The following FREM1 variants were observed in gnomAD, a reference collection of about 807,000 sequenced individuals.
The protein encoded by FREM1 is FRAS1 related extracellular matrix 1.
Under a neutral mutation model 210.1 loss-of-function variants are expected in FREM1, and 220 were observed. The observed-to-expected ratio is 1.05, with a 90% CI of 0.94 to 1.17. The LOEUF is 1.17. Ranked by LOEUF, FREM1 falls within the 50% of genes most tolerant of loss-of-function variation. The pLI, the probability that FREM1 is intolerant of heterozygous loss-of-function variation, is 0.00. For missense variants in FREM1, 3,454 were observed against 2,675.5 expected, an observed-to-expected ratio of 1.29 and a Z score of -6.42; for synonymous variants, 1,189 against 980.2, an observed-to-expected ratio of 1.21 and a Z score of -3.98.
At chr9:14,861,046 CATATAT>C (rs1302584681) in intron 3 of FREM1, among the ~76,000 whole-genome samples, 3,677 of 74,778 alleles carry the variant, frequency 0.049, 558 homozygotes, top group East Asian at 0.079. Context: ...TACATATATA[CATATAT>C]ACATATATAC....
At chr9:14,754,121 A>T (rs1843852563) in intron 29 of FREM1, among the ~76,000 whole-genome samples, 1 of 152,218 alleles carries the variant, frequency 6.6e-6, no homozygotes, top group African/African-American at 2.4e-5. Flanking sequence ...ACCTACTAGC[A>T]GCCAAAATTA....
rs757097617 is a variant in FREM1, at chr9:14,740,176, T to C, written c.6313A>G (p.Ile2105Val). The C allele has an allele frequency of 3.1e-6, 5 of 1,612,678 alleles. No homozygotes were observed. Among genetic ancestry groups the C allele is most frequent in the Admixed American group, 3.3e-5 (2 of 59,920 alleles). ...SRQHMRWLWD[I>V]GGRKSFWIGL... Reference sequence around the variant, plus strand: ...ATCCAAAAGGACTTTCTCCCACCAATGTCCCAGAGCCACCGCATGTGCTGC... The same window carrying C: ...ATCCAAAAGGACTTTCTCCCACCAACGTCCCAGAGCCACCGCATGTGCTGC... Residue 2105 changes from isoleucine to valine, a missense_variant, in exon 36 of 37, where the codon ATT becomes GTT. Physicochemically the swap from Ile to Val is conservative, Grantham distance 29 (BLOSUM62 3). Transcript: ENST00000380880.
At position 14,756,378 on chromosome 9, in the gene FREM1, GTCAAACTGAA is replaced by G; in HGVS notation, c.5393_5402del (p.Ile1798ThrfsTer11). On this transcript the variant is annotated frameshift_variant, in exon 29 of 37. Coordinates refer to ENST00000380880, the MANE Select transcript of FREM1 (RefSeq NM_001379081.2). LOFTEE classifies it high-confidence loss of function. ...AACTGCAGACACAAAATGTACCTGGGTCAAACTGAATCAGTTTAGATGGAATCACGGTGAA... is the reference window on the plus strand; with the variant it reads ...AACTGCAGACACAAAATGTACCTGGGTCAGTTTAGATGGAATCACGGTGAA... 6.3e-7 allele frequency: 1 copy of G among 1,589,062 alleles called. No homozygotes were observed. Among genetic ancestry groups the G allele is most frequent in the Middle Eastern group, 1.7e-4 (1 of 6,028 alleles).
intron 3 of FREM1, among the ~76,000 whole-genome samples, chr9:14,861,503 C>CTTT (rs775845478): frequency 1.7e-4 from 20 of 114,872 alleles, no homozygotes; most frequent in African/African-American, 3.0e-4. Context: ...AGCATTTATC[C>CTTT]TTTTTTTTTT....
chr9:14,846,867 C>T (rs1384016617), intron 7 of FREM1, among the ~76,000 whole-genome samples: 4 of 152,138 alleles, frequency 2.6e-5, no homozygotes, highest in South Asian at 2.1e-4. Context: ...TAGCTGCAGC[C>T]GCCCCATGAG....
intron 27 of FREM1, among the ~76,000 whole-genome samples, chr9:14,763,297 C>G (rs1163925301): frequency 1.3e-5 from 2 of 152,170 alleles, no homozygotes; most frequent in African/African-American, 4.8e-5. Context: ...CCTCCAGTCA[C>G]GACAGCCAAA....
At chr9:14,859,789 A>G (rs1349680445) in intron 3 of FREM1, among the ~76,000 whole-genome samples, 1 of 152,180 alleles carries the variant, frequency 6.6e-6, no homozygotes, top group African/African-American at 2.4e-5. Flanking sequence ...CTTCTAGCAC[A>G]TGTGTAATTT....
intron 35 of FREM1, among the ~76,000 whole-genome samples, chr9:14,744,236 C>T (rs1392424601): frequency 6.6e-6 from 1 of 152,062 alleles, no homozygotes; most frequent in East Asian, 1.9e-4. Context: ...ATTTTATTCG[C>T]TTTAAAAAAA....
chr9:14,823,970 C>A, intron 12 of FREM1, 55 bp downstream of exon 12: 3 of 1,086,714 alleles, frequency 2.8e-6, no homozygotes, highest in East Asian at 2.6e-5. Context: ...GCATGCCATA[C>A]CTTCTAAGGG....
intron 20 of FREM1, among the ~76,000 whole-genome samples, chr9:14,801,428 G>C (rs1163659250): frequency 6.6e-6 from 1 of 152,094 alleles, no homozygotes; most frequent in Non-Finnish European, 1.5e-5. Flanking sequence ...TGTTAACTAT[G>C]GTAATTATGC....
intron 35 of FREM1, among the ~76,000 whole-genome samples, chr9:14,743,925 T>C (rs1382162082): frequency 6.6e-6 from 1 of 152,120 alleles, no homozygotes; most frequent in African/African-American, 2.4e-5. Context: ...TTTCAGTGCA[T>C]TACGACAAAC....
chr9:14,878,622 T>A lies in FREM1; in HGVS notation c.-267-9378A>T, dbSNP rs770921688. ...TTGTGGTTTTCACCATTACTTTCAA[T>A]GGCAAAAAACCACAATTACTTTTGT... On this transcript the variant is annotated intron_variant, in intron 1 of 36. Transcript: ENST00000380880. Among the ~76,000 whole-genome samples, 36 of 152,326 alleles carry A rather than the reference T, an allele frequency of 2.4e-4. No homozygotes were observed. In the Middle Eastern group the frequency reaches 0.01, roughly 43 times the overall value.
At chr9:14,818,491 A>T (rs1251288141) in intron 14 of FREM1, among the ~76,000 whole-genome samples, 3 of 152,198 alleles carry the variant, frequency 2.0e-5, no homozygotes, top group African/African-American at 7.2e-5. Flanking sequence ...TAAAGGGCTA[A>T]TGCTCCCATT....
chr9:14,859,047 T>A, intron 4 of FREM1, 136 bp downstream of exon 4: 2 of 628,942 alleles, frequency 3.2e-6, no homozygotes, highest in East Asian at 5.7e-5. Context: ...TCTGTGCTCT[T>A]AACCACTAAC....
chr9:14,809,694 T>C (rs1051754923), intron 16 of FREM1, among the ~76,000 whole-genome samples: 4 of 152,206 alleles, frequency 2.6e-5, no homozygotes, highest in Non-Finnish European at 4.4e-5. Flanking sequence ...TCAGTAAATA[T>C]TTATTCAACA....
chr9:14,807,800 T>G (rs895161641), intron 17 of FREM1, 140 bp downstream of exon 17: 5 of 644,580 alleles, frequency 7.8e-6, no homozygotes, highest in Non-Finnish European at 1.0e-5. Context: ...TCCACAAAAT[T>G]TGTGTTGAGG....
At chr9:14,750,034 A>G (rs549273024) in intron 30 of FREM1, 93 bp downstream of exon 30, 33 of 1,276,926 alleles carry the variant, frequency 2.6e-5, no homozygotes, top group Non-Finnish European at 3.7e-5. Context: ...AAGCATTTTG[A>G]TTTGAAGGTG....
chr9:14,823,386 A>C, intron 12 of FREM1, 59 bp from the exon 13 acceptor site: 2 of 1,439,334 alleles, frequency 1.4e-6, no homozygotes, highest in Non-Finnish European at 1.9e-6. Flanking sequence ...AAAAGCTTTT[A>C]GAGGTCCAAG....
intron 1 of FREM1, among the ~76,000 whole-genome samples, chr9:14,879,945 T>G (rs1461382800): frequency 6.6e-6 from 1 of 152,174 alleles, no homozygotes; most frequent in African/African-American, 2.4e-5. Context: ...TAGATGTTTG[T>G]GTCCCCTCAC....
Sources: gnomAD v4.1 joint callset for allele counts (sites outside exome capture counted in the v4.1 genomes callset) on GRCh38, gnomAD v4.1.1 for gene constraint, MANE v1.5 for transcripts, NCBI Gene and HGNC (gene_info 2026-07-23, HGNC 2026-07-21) for gene names.